TP63: variants seen among roughly 807,000 people sequenced by gnomAD.
TP63 encodes tumor protein 63.
A neutral mutation model predicts 82.8 loss-of-function variants in TP63; 17 were observed. The observed-to-expected ratio is 0.21, with a 90% CI of 0.14 to 0.31. The LOEUF (loss-of-function observed/expected upper bound fraction) is 0.31, where lower values mean the gene tolerates loss of function less well. Among genes scored for constraint, TP63 ranks in the 10% least tolerant of loss-of-function variants. TP63 has a pLI of 1.00. For missense variants in TP63, 648 were observed against 895.3 expected, an observed-to-expected ratio of 0.72 and a Z score of 3.52; for synonymous variants, 330 against 321.7, an observed-to-expected ratio of 1.03 and a Z score of -0.28.
chr3:189,616,973 A>G, the TP63 span, among the ~76,000 whole-genome samples: 3 of 152,256 alleles, frequency 2.0e-5, no homozygotes, highest in South Asian at 2.1e-4. Context: ...GGCATAGAAT[A>G]TGTTGCCTCC....
chr3:189,824,523 G>T (rs1008766508), intron 4 of TP63, among the ~76,000 whole-genome samples: 1 of 152,120 alleles, frequency 6.6e-6, no homozygotes, highest in Non-Finnish European at 1.5e-5. Context: ...GTGAGCCACC[G>T]TGCCTAGCCT....
chr3:189,834,355 GT>G (rs1375685102), intron 4 of TP63, among the ~76,000 whole-genome samples: 1 of 151,958 alleles, frequency 6.6e-6, no homozygotes, highest in Non-Finnish European at 1.5e-5. Context: ...TTTTTTTTAA[GT>G]TTTGGGAGGA....
chr3:189,822,082 T>C (rs1296692464), intron 4 of TP63, among the ~76,000 whole-genome samples: 2 of 152,168 alleles, frequency 1.3e-5, no homozygotes. Context: ...AAACACTGTC[T>C]CTAGAGCGGC....
chr3:189,824,126 A>C (rs1198104778), intron 4 of TP63, among the ~76,000 whole-genome samples: 1 of 152,096 alleles, frequency 6.6e-6, no homozygotes, highest in African/African-American at 2.4e-5. Flanking sequence ...AGTGAATAAA[A>C]TTCATATTTT....
intron 5 of TP63, among the ~76,000 whole-genome samples, chr3:189,865,282 A>G (rs1233240984): frequency 6.6e-6 from 1 of 152,240 alleles, no homozygotes; most frequent in East Asian, 1.9e-4. Flanking sequence ...TGGCCAATCA[A>G]ATAAAGGACT....
chr3:189,716,730 A>G (rs188261261), intron 1 of TP63, among the ~76,000 whole-genome samples: 1 of 151,772 alleles, frequency 6.6e-6, no homozygotes, highest in African/African-American at 2.4e-5. Flanking sequence ...CTTATCTGAA[A>G]TTTTTTCAGT....
chr3:189,892,897 A>G (rs553736112), intron 13 of TP63, among the ~76,000 whole-genome samples: 6 of 152,216 alleles, frequency 3.9e-5, no homozygotes, highest in Admixed American at 3.9e-4. Flanking sequence ...TGGCCTGAAA[A>G]TTCACACCAT....
At chr3:189,649,892 A>G (rs2108634303) in intron 1 of TP63, among the ~76,000 whole-genome samples, 1 of 146,762 alleles carries the variant, frequency 6.8e-6, no homozygotes, top group South Asian at 2.3e-4. Flanking sequence ...AGGTAAAAGT[A>G]ATGATTAACT....
chr3:189,830,727 A>G (rs1712201799), intron 4 of TP63, among the ~76,000 whole-genome samples: 1 of 152,236 alleles, frequency 6.6e-6, no homozygotes, highest in Admixed American at 6.5e-5. Context: ...ATAAAGGCCC[A>G]TAATTATCAT....
the TP63 span, among the ~76,000 whole-genome samples, chr3:189,612,563 G>T: frequency 2.0e-5 from 3 of 152,096 alleles, no homozygotes; most frequent in African/African-American, 7.2e-5. Flanking sequence ...ACAATAAATT[G>T]GTACTCTAGA....
intron 1 of TP63, among the ~76,000 whole-genome samples, chr3:189,732,572 C>G (rs998738953): frequency 5.3e-5 from 8 of 152,196 alleles, no homozygotes; most frequent in African/African-American, 1.7e-4. Context: ...GCATTGACTA[C>G]CAGGCGCTGT....
At chr3:189,863,311 G>A (rs941119471) in intron 4 of TP63, among the ~76,000 whole-genome samples, 4 of 152,208 alleles carry the variant, frequency 2.6e-5, no homozygotes, top group Non-Finnish European at 5.9e-5. Flanking sequence ...TTGACCCAGA[G>A]CACAGGGATG....
At chr3:189,660,294 T>G (rs9865635) in intron 1 of TP63, among the ~76,000 whole-genome samples, 66,768 of 151,916 alleles carry the variant, frequency 0.44, 16,062 homozygotes, top group Middle Eastern at 0.69. Context: ...GCACCATTGA[T>G]TGACTATGGA....
At chr3:189,631,321 A>G, upstream of TP63, 1 of 1,406,310 alleles carries the variant, frequency 7.1e-7, no homozygotes, top group Non-Finnish European at 9.3e-7. Context: ...GATGAATCTC[A>G]TTGGCTAAAA....
rs114519872 is a variant in TP63, at chr3:189,717,908, G to A, written c.63-19832G>A. On this transcript the variant is annotated intron_variant, in intron 1 of 13. Transcript: ENST00000264731. Reference sequence around the variant, plus strand: ...TGCAAGGGATAGAATTAAAGAATGTGTTAATGTGGAAAAATGAGAAACCTT... The same window carrying A: ...TGCAAGGGATAGAATTAAAGAATGTATTAATGTGGAAAAATGAGAAACCTT... Among the ~76,000 whole-genome samples, 413 of 152,294 alleles carry A rather than the reference G, an allele frequency of 2.7e-3. 2 individuals carry two copies. Among genetic ancestry groups the A allele is most frequent in the African/African-American group, 9.4e-3 (390 of 41,566 alleles).
intron 3 of TP63, among the ~76,000 whole-genome samples, chr3:189,762,329 G>A (rs1185529556): frequency 6.6e-6 from 1 of 152,074 alleles, no homozygotes; most frequent in East Asian, 1.9e-4. Context: ...TGGTGTTTAA[G>A]GTTCAGGGAA....
At chr3:189,651,740 G>C (rs1712909391) in intron 1 of TP63, among the ~76,000 whole-genome samples, 1 of 146,256 alleles carries the variant, frequency 6.8e-6, no homozygotes, top group Admixed American at 6.7e-5. Context: ...GGCCTAGGAG[G>C]GAAAAAATGG....
chr3:189,650,283 G>A (rs1485433031), intron 1 of TP63, among the ~76,000 whole-genome samples: 2 of 147,040 alleles, frequency 1.4e-5, no homozygotes, highest in Non-Finnish European at 1.5e-5. Context: ...CTCAAAGATT[G>A]ATATATGAGA....
Position 189,827,646 on chromosome 3 carries a change from T to A in TP63, c.579+19120T>A, listed in dbSNP as rs1711611331. Among the ~76,000 whole-genome samples, 4 of 152,208 alleles carry A rather than the reference T, an allele frequency of 2.6e-5. No individual in the cohort carries two copies. The South Asian group carries it at 8.3e-4, about 32-fold the overall frequency. On this transcript the variant is annotated intron_variant, in intron 4 of 13. Coordinates refer to ENST00000264731, the MANE Select transcript of TP63 (RefSeq NM_003722.5). ...GTAAGTAAAGGCATGGAGACATGAA[T>A]GTGTTATGTAAGTCTAGGAGTGGGA...
Sources: allele counts gnomAD v4.1 joint callset (sites outside exome capture counted in the v4.1 genomes callset), GRCh38; gene constraint gnomAD v4.1.1; transcripts MANE v1.5; gene names NCBI Gene and HGNC (gene_info 2026-07-23, HGNC 2026-07-21).